Variants in ASPG observed in about 807,000 individuals in gnomAD.
The protein encoded by ASPG is asparaginase, also known as 60 kDa lysophospholipase.
In ASPG, 53 loss-of-function variants were observed where a neutral mutation model predicts 63.2. The observed-to-expected ratio is 0.84, with a 90% CI of 0.67 to 1.05. The LOEUF is 1.05. Among genes scored for constraint, ASPG ranks in the 50% least tolerant of loss-of-function variants. The pLI, the probability that ASPG is intolerant of heterozygous loss-of-function variation, is 0.00. For synonymous variants in ASPG, 370 were observed against 355.0 expected (o/e 1.04, Z -0.48); for missense variants, 741 against 794.4 (o/e 0.93, Z 0.81).
In ASPG at chr14:104,105,364, C is replaced by T; in HGVS notation, c.1087C>T (p.Pro363Ser). ...TKDLRGEMTP[P>S]SVEERRPSLQ... ...GGACCTTCGGGGGGAGATGACGCCA[C>T]CCTCGGTGGAAGAGCGCCGGCCCTC... The change falls in exon 10 of 16, where the codon CCC (proline) becomes TCC (serine). Residue 363 changes from proline (P) to serine (S), a missense_variant. Transcript: ENST00000551177. The T allele has an allele frequency of 4.3e-6, 7 of 1,612,628 alleles. No homozygotes were observed. Among genetic ancestry groups the T allele is most frequent in the Non-Finnish European group, 5.9e-6 (7 of 1,179,760 alleles).
At position 104,085,730 on chromosome 14, in the gene ASPG, C is replaced by T; in HGVS notation, c.-41C>T. On this transcript the variant is annotated 5_prime_UTR_variant, in exon 1 of 16. Coordinates refer to ENST00000551177, the MANE Select transcript of ASPG (RefSeq NM_001080464.3). ...CTGAGTCCCGCAGGCCCTGCGTCCC[C>T]GCTGCACACCCCCGTCCACTCCCGT... is the stretch of plus-strand genomic sequence containing the variant. 6.6e-7 allele frequency: 1 copy of T among 1,511,450 alleles called. No individual in the cohort carries two copies. Among genetic ancestry groups the T allele is most frequent in the Admixed American group, 2.0e-5 (1 of 48,854 alleles). The allele number at this position is 1,511,450 out of a possible 1,614,324, so 93.6% of individuals were successfully genotyped here.
intron 1 of ASPG, among the ~76,000 whole-genome samples, chr14:104,089,785 C>T (rs1006376465): frequency 6.6e-6 from 1 of 151,378 alleles, no homozygotes; most frequent in Admixed American, 6.6e-5. Context: ...CCCGTCTCTA[C>T]TAAAAATAAA....
At chr14:104,112,241 G>C (rs1486710889) in intron 15 of ASPG, among the ~76,000 whole-genome samples, 23 of 152,108 alleles carry the variant, frequency 1.5e-4, no homozygotes, top group Non-Finnish European at 2.9e-5. Flanking sequence ...GACCAGACTT[G>C]AGCACTGAGG....
chr14:104,115,342 A>T lies in ASPG; in HGVS notation c.*2798A>T, dbSNP rs1319468219. The T allele has an allele frequency of 1.3e-5, 2 of 152,218 alleles. No individual in the cohort carries two copies. Among genetic ancestry groups the T allele is most frequent in the Non-Finnish European group, 2.9e-5 (2 of 68,078 alleles). The allele number at this position is 152,218 out of a possible 1,614,324, so 9.4% of individuals were successfully genotyped here. A position where few individuals can be genotyped will look rare whatever the true frequency, so the allele number is the denominator to read the frequency against. On this transcript the variant is annotated 3_prime_UTR_variant, in exon 16 of 16. Coordinates refer to ENST00000551177, the MANE Select transcript of ASPG (RefSeq NM_001080464.3). ...TCGTCAGTTCCCTTGGATGCTGGAC[A>T]CGGGAGCCACCTGGGCGAGGGGAGC... is the stretch of plus-strand genomic sequence containing the variant.
At chr14:104,107,826 C>T (rs573721811) in intron 12 of ASPG, among the ~76,000 whole-genome samples, 20 of 152,192 alleles carry the variant, frequency 1.3e-4, no homozygotes, top group Middle Eastern at 3.2e-3. Context: ...GCGTGGGGGG[C>T]GGGGCCAGCA....
At chr14:104,093,391 G>T in intron 2 of ASPG, 100 bp from the exon 3 acceptor site, 1 of 1,156,082 alleles carries the variant, frequency 8.6e-7, no homozygotes, top group Non-Finnish European at 1.3e-6. Flanking sequence ...AGGGGCCCCA[G>T]CTCTGCCAGA....
chr14:104,088,975 T>C (rs113066562), intron 1 of ASPG, among the ~76,000 whole-genome samples: 1,922 of 152,260 alleles, frequency 0.013, 45 homozygotes, highest in African/African-American at 0.044. Context: ...TAATACAAGT[T>C]ACAAAATCAT....
intron 3 of ASPG, among the ~76,000 whole-genome samples, chr14:104,094,579 C>T (rs142618437): frequency 2.6e-4 from 39 of 152,296 alleles, no homozygotes; most frequent in Non-Finnish European, 4.4e-4. Flanking sequence ...GCTTCCCTTA[C>T]GAACCCCCTG....
intron 5 of ASPG, among the ~76,000 whole-genome samples, 165 bp downstream of exon 5, chr14:104,097,802 G>C (rs779075992): frequency 1.3e-5 from 2 of 152,210 alleles, no homozygotes; most frequent in Non-Finnish European, 2.9e-5. Flanking sequence ...TTAGAGGTAC[G>C]TATGGAAGTT....
At chr14:104,096,833 C>T (rs932096109) in intron 4 of ASPG, among the ~76,000 whole-genome samples, 1 of 152,190 alleles carries the variant, frequency 6.6e-6, no homozygotes, top group Non-Finnish European at 1.5e-5. Context: ...AGGACTGCCA[C>T]CCCCTGCCAG....
At chr14:104,106,273 G>A (rs2037123309) in intron 10 of ASPG, among the ~76,000 whole-genome samples, 2 of 152,176 alleles carry the variant, frequency 1.3e-5, no homozygotes, top group Admixed American at 1.3e-4. Context: ...GCCTCTGCCA[G>A]GACCGCTGGG....
Position 104,098,913 on chromosome 14 carries a change from C to G in ASPG, c.574C>G (p.Arg192Gly). The change falls in exon 6 of 16, where the codon CGG (arginine) becomes GGG (glycine). Residue 192 changes from arginine (R) to glycine (G), a missense_variant. Coordinates refer to ENST00000551177, the MANE Select transcript of ASPG (RefSeq NM_001080464.3). ...RGNRATKVDARRFAAFCSPNL... is the reference protein window; with the variant it reads ...RGNRATKVDAGRFAAFCSPNL... ...CAACCGGGCAACCAAGGTAGACGCT[C>G]GGAGGTTCGCAGCTTTCTGCTCCCC... 6.2e-7 allele frequency: 1 copy of G among 1,610,752 alleles called. No homozygotes were observed. Among genetic ancestry groups the G allele is most frequent in the South Asian group, 1.1e-5 (1 of 90,594 alleles).
At chr14:104,087,613 G>A (rs2036254560) in intron 1 of ASPG, among the ~76,000 whole-genome samples, 1 of 152,202 alleles carries the variant, frequency 6.6e-6, no homozygotes, top group Non-Finnish European at 1.5e-5. Flanking sequence ...AGCTGCCCCC[G>A]AGTGGGGACA....
In ASPG at chr14:104,110,747, C is replaced by T. The variant is rs1258511415; in HGVS notation, c.1521-755C>T. 1 of 985,280 alleles carries T rather than the reference C, an allele frequency of 1.0e-6. No individual in the cohort carries two copies. Among genetic ancestry groups the T allele is most frequent in the Non-Finnish European group, 1.2e-6 (1 of 829,904 alleles). 61.0% of individuals were successfully genotyped at this position (985,280 alleles called of 1,614,324 possible). Reference sequence around the variant, plus strand: ...GGGCAGCCCCTTCCTCACCAGGCCACTTCCCCCAGCCCCTGCACACCATGG... The same window carrying T: ...GGGCAGCCCCTTCCTCACCAGGCCATTTCCCCCAGCCCCTGCACACCATGG... On this transcript the variant is annotated intron_variant, in intron 13 of 15. Transcript: ENST00000551177. This position sits in a 1 kb window ranked among gnomAD's most constrained non-coding sequence, Gnocchi z 4.7.
rs763586318 is a variant in ASPG at position 104,093,502 on chromosome 14, G to A, written c.203G>A (p.Arg68His). 9 of 1,612,452 alleles carry A rather than the reference G, an allele frequency of 5.6e-6. No individual in the cohort carries two copies. The highest frequency in any genetic ancestry group is 2.7e-5 in the African/African-American group (2 of 74,884). The change falls in exon 3 of 16, where the codon CGC (arginine) becomes CAC (histidine). Residue 68 changes from arginine to histidine, a missense_variant. Physicochemically the swap from Arg to His is conservative, Grantham distance 29. Transcript: ENST00000551177. ...EDTLVLPPAS[R>H]NQRILYTVLE... ...TTTCTGTCCCGCAGCCCGGCCAGCCGCAACCAGAGGATTCTCTACACCGTG... is the reference window on the plus strand; with the variant it reads ...TTTCTGTCCCGCAGCCCGGCCAGCCACAACCAGAGGATTCTCTACACCGTG...
chr14:104,097,757 A>G, intron 5 of ASPG, 120 bp downstream of exon 5: 1 of 853,144 alleles, frequency 1.2e-6, no homozygotes, highest in Non-Finnish European at 1.9e-6. Context: ...AGCTGGGTGC[A>G]CTGTCTTCTA....
intron 12 of ASPG, chr14:104,108,724 C>T: frequency 1.0e-6 from 1 of 985,416 alleles, no homozygotes; most frequent in Non-Finnish European, 1.2e-6. Context: ...GGGTGCCCTG[C>T]CCCCACTCCT....
intron 13 of ASPG, among the ~76,000 whole-genome samples, 156 bp from the exon 14 acceptor site, chr14:104,111,346 C>A (rs1306972205): frequency 1.3e-5 from 2 of 152,170 alleles, no homozygotes; most frequent in South Asian, 2.1e-4. Context: ...GCCCGATGGC[C>A]CCCAGTGACT....
chr14:104,092,462 C>T (rs765804822), intron 1 of ASPG, among the ~76,000 whole-genome samples, 171 bp from the exon 2 acceptor site: 8 of 152,258 alleles, frequency 5.3e-5, no homozygotes, highest in Non-Finnish European at 1.2e-4. Flanking sequence ...GCGGGTCAGC[C>T]GCCTGCCCTC....
Sources: allele counts gnomAD v4.1 joint callset (sites outside exome capture counted in the v4.1 genomes callset), GRCh38; gene constraint gnomAD v4.1.1; non-coding constraint Gnocchi (gnomAD v3.1); transcripts MANE v1.5; gene names NCBI Gene and HGNC (gene_info 2026-07-23, HGNC 2026-07-21).